ZSWIM6: variants seen among roughly 807,000 people sequenced by gnomAD.
ZSWIM6 encodes the protein zinc finger SWIM domain-containing protein 6.
A neutral mutation model predicts 113.2 loss-of-function variants in ZSWIM6; 9 were observed. The observed-to-expected ratio is 0.08, with a 90% CI of 0.05 to 0.14. ZSWIM6 has a LOEUF of 0.14. ZSWIM6 is among the 10% of genes least tolerant of loss of function. ZSWIM6 has a pLI of 1.00. For synonymous variants in ZSWIM6, 611 were observed against 606.5 expected, an observed-to-expected ratio of 1.01 and a Z score of -0.11; for missense variants, 1,162 against 1,552.2, an observed-to-expected ratio of 0.75 and a Z score of 4.22.
chr5:61,375,502 C>A, intron 1 of ZSWIM6: 2 of 1,556,592 alleles, frequency 1.3e-6, no homozygotes, highest in Non-Finnish European at 1.7e-6. Context: ...ACAAGGAAAA[C>A]AGAGAAAGAA....
intron 1 of ZSWIM6, among the ~76,000 whole-genome samples, chr5:61,421,669 C>A (rs1746357559): frequency 6.6e-6 from 1 of 152,080 alleles, no homozygotes; most frequent in Admixed American, 6.6e-5. Context: ...TCTGTTGTTC[C>A]CTTCTTTGTG....
intron 2 of ZSWIM6, among the ~76,000 whole-genome samples, chr5:61,483,733 C>T (rs866859048): frequency 3.3e-5 from 5 of 150,252 alleles, no homozygotes; most frequent in East Asian, 1.9e-4. Flanking sequence ...AAAAATTAGC[C>T]GGGCGTGGTG....
chr5:61,341,176 A>C (rs890635644), intron 1 of ZSWIM6, among the ~76,000 whole-genome samples: 1 of 152,106 alleles, frequency 6.6e-6, no homozygotes, highest in Non-Finnish European at 1.5e-5. Context: ...CCTTAAGGCA[A>C]ATTGTCCCAT....
At position 61,494,404 on chromosome 5, in the gene ZSWIM6, G is replaced by A; in HGVS notation, c.1327G>A (p.Glu443Lys). Residue 443 changes from glutamate (E) to lysine (K), a missense_variant, in exon 4 of 14, where the codon GAG becomes AAG. This residue lies in a region of ZSWIM6 where 620 missense variants were observed against 804.6 expected (regional missense o/e 0.77). Transcript: ENST00000252744. ...TGACAAATACAGGCAGCTCTGGGAT[G>A]AGCTGGGTAAGCATGTTTCCTCACA... The part of the protein sequence containing the change: ...MTDKYRQLWD[E>K]LGALWMCIVL... The A allele has an allele frequency of 6.4e-7, 1 of 1,550,886 alleles. No individual in the cohort carries two copies. Among genetic ancestry groups the A allele is most frequent in the Non-Finnish European group, 8.7e-7 (1 of 1,146,468 alleles).
At chr5:61,449,785 G>A (rs532731367) in intron 1 of ZSWIM6, among the ~76,000 whole-genome samples, 133 of 150,772 alleles carry the variant, frequency 8.8e-4, no homozygotes, top group Non-Finnish European at 1.6e-3. Context: ...CCCTCTCCTT[G>A]TAAGGGTGGG....
At chr5:61,373,285 T>C (rs938244342) in intron 1 of ZSWIM6, among the ~76,000 whole-genome samples, 6 of 152,018 alleles carry the variant, frequency 3.9e-5, no homozygotes, top group Non-Finnish European at 5.9e-5. Flanking sequence ...GAAGCTTTGC[T>C]AGAATGTGTC....
chr5:61,500,100 T>TTTATTATTATTATTA (rs61415779), intron 4 of ZSWIM6, among the ~76,000 whole-genome samples: 3,293 of 145,292 alleles, frequency 0.023, 59 homozygotes, highest in South Asian at 0.043. Flanking sequence ...TGTCCTCAGC[T>TTTATTATTATTATTA]TTATTATTAT....
At chr5:61,528,387 C>CAT (rs1749340401) in intron 7 of ZSWIM6, among the ~76,000 whole-genome samples, 1 of 151,902 alleles carries the variant, frequency 6.6e-6, no homozygotes. Context: ...TATACATACA[C>CAT]ATATATATAC....
At chr5:61,349,575 C>T (rs1744739623) in intron 1 of ZSWIM6, among the ~76,000 whole-genome samples, 1 of 152,086 alleles carries the variant, frequency 6.6e-6, no homozygotes, top group African/African-American at 2.4e-5. Context: ...ATATATTTCT[C>T]CAAATACCGT....
chr5:61,515,224 G>A (rs1332854143), intron 4 of ZSWIM6, among the ~76,000 whole-genome samples: 1 of 152,068 alleles, frequency 6.6e-6, no homozygotes, highest in Admixed American at 6.6e-5. Context: ...CACCTCCCTG[G>A]TTCAAGCAAT....
chr5:61,502,384 G>A (rs926970648), intron 4 of ZSWIM6, among the ~76,000 whole-genome samples: 1 of 152,178 alleles, frequency 6.6e-6, no homozygotes, highest in Non-Finnish European at 1.5e-5. Flanking sequence ...GTTGTCCTTA[G>A]AGGGGGGTGT....
chr5:61,478,804 A>G (rs994617758), intron 2 of ZSWIM6, among the ~76,000 whole-genome samples: 1 of 152,018 alleles, frequency 6.6e-6, no homozygotes, highest in Non-Finnish European at 1.5e-5. Flanking sequence ...GAATTTTGTA[A>G]GTACTGCTGA....
At chr5:61,422,974 A>T (rs1262179369) in intron 1 of ZSWIM6, among the ~76,000 whole-genome samples, 1 of 152,176 alleles carries the variant, frequency 6.6e-6, no homozygotes, top group Non-Finnish European at 1.5e-5. Flanking sequence ...AGATTTTTCC[A>T]AATATAAGGT....
chr5:61,485,102 G>A (rs924632958), intron 2 of ZSWIM6, among the ~76,000 whole-genome samples: 3 of 151,956 alleles, frequency 2.0e-5, no homozygotes, highest in Non-Finnish European at 2.9e-5. Context: ...CCCCTTCCTC[G>A]CAGTACTTGA....
chr5:61,519,028 C>T (rs1361965640), intron 4 of ZSWIM6, among the ~76,000 whole-genome samples: 1 of 152,050 alleles, frequency 6.6e-6, no homozygotes, highest in Non-Finnish European at 1.5e-5. Flanking sequence ...TTTCCCAGCA[C>T]CATTTATTAA....
At chr5:61,408,338 T>A (rs776805300) in intron 1 of ZSWIM6, among the ~76,000 whole-genome samples, 2 of 152,200 alleles carry the variant, frequency 1.3e-5, no homozygotes, top group Non-Finnish European at 2.9e-5. Flanking sequence ...ACCCTTTTGT[T>A]TTGGACCATT....
chr5:61,357,997 T>A (rs1744954697), intron 1 of ZSWIM6, among the ~76,000 whole-genome samples: 1 of 152,192 alleles, frequency 6.6e-6, no homozygotes, highest in Non-Finnish European at 1.5e-5. Flanking sequence ...CCTCCTCAAT[T>A]TTTGACAACT....
At chr5:61,434,383 G>C (rs918636059) in intron 1 of ZSWIM6, among the ~76,000 whole-genome samples, 4 of 151,670 alleles carry the variant, frequency 2.6e-5, no homozygotes, top group Non-Finnish European at 4.4e-5. Flanking sequence ...TGAGATTTTG[G>C]TGTATCTGTC....
At chr5:61,484,555 G>T (rs1448765829) in intron 2 of ZSWIM6, among the ~76,000 whole-genome samples, 1 of 152,148 alleles carries the variant, frequency 6.6e-6, no homozygotes, top group African/African-American at 2.4e-5. Flanking sequence ...ATACATTTAT[G>T]TAAAGAATCT....
Sources: allele counts gnomAD v4.1 joint callset (sites outside exome capture counted in the v4.1 genomes callset), GRCh38; gene constraint gnomAD v4.1.1; regional missense constraint gnomAD v4.1.1; transcripts MANE v1.5; gene names NCBI Gene and HGNC (gene_info 2026-07-23, HGNC 2026-07-21).